The following IL18R1 variants were observed in gnomAD, a reference collection of about 807,000 sequenced individuals.
IL18R1 encodes interleukin-18 receptor 1.
Under a neutral mutation model 48.5 loss-of-function variants are expected in IL18R1, and 40 were observed. That is an observed-to-expected ratio of 0.82 (90% CI 0.64 to 1.07). IL18R1 has a LOEUF of 1.07. IL18R1 is among the 50% of genes least tolerant of loss of function. The pLI, the probability that IL18R1 is intolerant of heterozygous loss-of-function variation, is 0.00. For synonymous variants in IL18R1, 232 were observed against 225.9 expected (o/e 1.03, Z -0.24); for missense variants, 596 against 633.7 (o/e 0.94, Z 0.64).
At chr2:102,372,380 A>G (rs1267178346) in intron 4 of IL18R1, among the ~76,000 whole-genome samples, 1 of 151,900 alleles carries the variant, frequency 6.6e-6, no homozygotes, top group East Asian at 1.9e-4. Flanking sequence ...CTCTTCCTTC[A>G]TTTTCCTTCT....
At chr2:102,372,173 C>A in intron 4 of IL18R1, 55 bp downstream of exon 4, 1 of 1,395,430 alleles carries the variant, frequency 7.2e-7, no homozygotes, top group Non-Finnish European at 9.8e-7. Context: ...ATAAAATTCC[C>A]AAATGAGGGG....
In IL18R1 at chr2:102,397,481, C is replaced by T. The variant is rs1680883883; in HGVS notation, c.*595C>T. Reference sequence around the variant, plus strand: ...AGTTGCAGCCAACGGTTCTTGAAAGCTCGGTAAGGCCCTGCAACGCAGAGC... The same window carrying T: ...AGTTGCAGCCAACGGTTCTTGAAAGTTCGGTAAGGCCCTGCAACGCAGAGC... On this transcript the variant is annotated 3_prime_UTR_variant, in exon 11 of 11. Coordinates refer to ENST00000233957, the MANE Select transcript of IL18R1 (RefSeq NM_003855.5). 1 of 152,370 alleles carries T rather than the reference C, an allele frequency of 6.6e-6. No homozygotes were observed. Among genetic ancestry groups the T allele is most frequent in the Admixed American group, 6.5e-5 (1 of 15,282 alleles). 9.4% of individuals were successfully genotyped at this position (152,370 alleles called of 1,614,324 possible).
At chr2:102,372,858 A>G (rs933370324) in intron 4 of IL18R1, among the ~76,000 whole-genome samples, 2 of 152,164 alleles carry the variant, frequency 1.3e-5, no homozygotes, top group Non-Finnish European at 2.9e-5. Flanking sequence ...CATTTCCACA[A>G]ATCCTTGGGT....
chr2:102,376,121 T>G (rs1482701845), intron 5 of IL18R1, 58 bp downstream of exon 5: 2 of 1,408,476 alleles, frequency 1.4e-6, no homozygotes, highest in Non-Finnish European at 1.9e-6. Context: ...ATGGAATTTT[T>G]TCATTCTTCA....
chr2:102,369,192 C>A (rs887006376), intron 3 of IL18R1, among the ~76,000 whole-genome samples: 2 of 152,124 alleles, frequency 1.3e-5, no homozygotes, highest in East Asian at 1.9e-4. Flanking sequence ...CACCGCCCCC[C>A]CCACCACAAA....
chr2:102,359,636 A>G (rs775158620), intron 1 of IL18R1, among the ~76,000 whole-genome samples: 8 of 152,184 alleles, frequency 5.3e-5, no homozygotes, highest in Non-Finnish European at 1.2e-4. Flanking sequence ...TGGCTGTCTA[A>G]TTACATTTTA....
intron 5 of IL18R1, among the ~76,000 whole-genome samples, chr2:102,376,540 G>A (rs899633934): frequency 6.6e-6 from 1 of 152,226 alleles, no homozygotes; most frequent in South Asian, 2.1e-4. Context: ...CTGTGAGGCT[G>A]CAAGAGTGCA....
At chr2:102,387,070 C>A in intron 8 of IL18R1, 70 bp downstream of exon 8, 1 of 1,489,568 alleles carries the variant, frequency 6.7e-7, no homozygotes, top group Non-Finnish European at 9.2e-7. Flanking sequence ...TCAAAGATGG[C>A]CACTTTCTCA....
intron 8 of IL18R1, among the ~76,000 whole-genome samples, chr2:102,388,945 T>A (rs985712127): frequency 6.6e-6 from 1 of 152,170 alleles, no homozygotes; most frequent in African/African-American, 2.4e-5. Context: ...ACCATTACAA[T>A]CTATTTTAAG....
Position 102,390,199 on chromosome 2 carries a change from A to G in IL18R1, c.1093A>G (p.Arg365Gly). Residue 365 changes from arginine (R) to glycine (G), a missense_variant, in exon 9 of 11, where the codon AGA becomes GGA. Coordinates refer to ENST00000233957, the MANE Select transcript of IL18R1 (RefSeq NM_003855.5). ...TCTATTTTATAGACATTTAACGAGA[A>G]GAGATGAAACATTAACAGGTAACAC... is the stretch of plus-strand genomic sequence containing the variant. ...LVLFYRHLTR[R>G]DETLTDGKTY... 1 of 1,614,026 alleles carries G rather than the reference A, an allele frequency of 6.2e-7. No homozygotes were observed. The highest frequency in any genetic ancestry group is 8.5e-7 in the Non-Finnish European group (1 of 1,179,900).
intron 1 of IL18R1, among the ~76,000 whole-genome samples, chr2:102,361,997 C>T (rs1384306563): frequency 6.6e-6 from 1 of 152,210 alleles, no homozygotes; most frequent in Non-Finnish European, 1.5e-5. Context: ...GCCACAGACA[C>T]ACGCGAACAC....
At chr2:102,385,082 G>C (rs1043411283) in intron 7 of IL18R1, 84 bp downstream of exon 7, 12 of 671,292 alleles carry the variant, frequency 1.8e-5, no homozygotes, top group Non-Finnish European at 2.7e-5. Flanking sequence ...AAAAACACTG[G>C]GTGGCTGATG....
At chr2:102,395,038 C>T (rs998927749) in intron 10 of IL18R1, among the ~76,000 whole-genome samples, 4 of 151,950 alleles carry the variant, frequency 2.6e-5, no homozygotes, top group Non-Finnish European at 5.9e-5. Context: ...GAAATAAACA[C>T]GGGTTAATTA....
At chr2:102,362,772 G>T in intron 2 of IL18R1, 54 bp downstream of exon 2, 3 of 1,195,798 alleles carry the variant, frequency 2.5e-6, no homozygotes, top group Non-Finnish European at 1.2e-6. Flanking sequence ...GAGGAAGAAT[G>T]TCAAAGTTTT....
intron 1 of IL18R1, among the ~76,000 whole-genome samples, chr2:102,359,716 A>G (rs1385360055): frequency 6.6e-6 from 1 of 152,218 alleles, no homozygotes; most frequent in East Asian, 1.9e-4. Context: ...GAGTGAGAGA[A>G]TATGAATATT....
rs1280956319 is a variant in IL18R1, at chr2:102,394,469, A to T, written c.1112A>T (p.Asp371Val). Residue 371 changes from aspartate (D) to valine (V), a missense_variant and splice_region_variant, in exon 10 of 11, where the codon GAT (aspartate) becomes GTT (valine). Asp to Val is a radical substitution (Grantham distance 152). Around this residue, in one of 3 missense-constraint regions of IL18R1, gnomAD observed 179 missense variants for 206.1 expected, o/e 0.87. Coordinates refer to ENST00000233957, the MANE Select transcript of IL18R1 (RefSeq NM_003855.5). Reference sequence around the variant, plus strand: ...TAAAAGAGCCAATCTTACCTCCTAGATGGAAAAACATATGATGCTTTTGTG... The same window carrying T: ...TAAAAGAGCCAATCTTACCTCCTAGTTGGAAAAACATATGATGCTTTTGTG... ...HLTRRDETLT[D>V]GKTYDAFVSY... 1 of 1,606,084 alleles carries T rather than the reference A, an allele frequency of 6.2e-7. No homozygotes were observed. Among genetic ancestry groups the T allele is most frequent in the African/African-American group, 1.3e-5 (1 of 74,620 alleles).
At chr2:102,368,699 T>C (rs1679057654) in intron 3 of IL18R1, among the ~76,000 whole-genome samples, 1 of 152,172 alleles carries the variant, frequency 6.6e-6, no homozygotes, top group African/African-American at 2.4e-5. Context: ...TTCCATGAAA[T>C]GAGCACAGCC....
chr2:102,384,742 C>A, intron 6 of IL18R1, 136 bp from the exon 7 acceptor site: 1 of 848,684 alleles, frequency 1.2e-6, no homozygotes, highest in Non-Finnish European at 1.8e-6. Flanking sequence ...TTATTTAAAG[C>A]AAGGCATATT....
intron 10 of IL18R1, 142 bp downstream of exon 10, chr2:102,394,769 A>T (rs1044686637): frequency 3.5e-6 from 2 of 566,678 alleles, no homozygotes; most frequent in African/African-American, 3.8e-5. Context: ...ACGTAAGTCA[A>T]CAATCGATAG....
Sources: allele counts gnomAD v4.1 joint callset (sites outside exome capture counted in the v4.1 genomes callset), GRCh38; gene constraint gnomAD v4.1.1; regional missense constraint gnomAD v4.1.1; transcripts MANE v1.5; gene names NCBI Gene and HGNC (gene_info 2026-07-23, HGNC 2026-07-21).